PANK3: variants seen among roughly 807,000 people sequenced by gnomAD.
PANK3 encodes the protein pantothenate kinase 3.
A neutral mutation model predicts 39.4 loss-of-function variants in PANK3; 20 were observed. The observed-to-expected ratio is 0.51, with a 90% CI of 0.36 to 0.74. The LOEUF is 0.74. PANK3 is among the 30% of genes least tolerant of loss of function. PANK3 has a pLI of 0.00. For synonymous variants in PANK3, 140 were observed against 157.3 expected (o/e 0.89, Z 0.82); for missense variants, 265 against 437.0 (o/e 0.61, Z 3.51).
At chr5:168,577,392 A>C (rs1190026298) in intron 1 of PANK3, among the ~76,000 whole-genome samples, 2 of 152,102 alleles carry the variant, frequency 1.3e-5, no homozygotes, top group Non-Finnish European at 2.9e-5. Flanking sequence ...ATGTTGTAAT[A>C]ATCAACTTAT....
chr5:168,573,712 C>T (rs1362664994), intron 1 of PANK3, among the ~76,000 whole-genome samples: 1 of 132,818 alleles, frequency 7.5e-6, no homozygotes, highest in South Asian at 2.7e-4. Flanking sequence ...GTTCCCCTTC[C>T]TGTGTCCATG....
At position 168,555,975 on chromosome 5, in the gene PANK3, T is replaced by G. The variant is rs1294649898; in HGVS notation, c.*1596A>C. The G allele has an allele frequency of 6.6e-6, 1 of 152,232 alleles. No homozygotes were observed. The highest frequency in any genetic ancestry group is 1.5e-5 in the Non-Finnish European group (1 of 68,032). The allele number at this position is 152,232 out of a possible 1,614,324, so 9.4% of individuals were successfully genotyped here. ...CAAACCCCTTTTGGACAGAATCTAT[T>G]AAAACTCATTCCACTATCCCTATGT... On this transcript the variant is annotated 3_prime_UTR_variant, in exon 7 of 7. Transcript: ENST00000239231.
Position 168,553,366 on chromosome 5 carries a change from T to C in PANK3, c.*4205A>G, listed in dbSNP as rs1759301595. ...AATCTAGTGGCCCAGGATCAGCATT[T>C]CAACCAACTCAGCTTGTCTGCAGAA... is the stretch of plus-strand genomic sequence containing the variant. On this transcript the variant is annotated 3_prime_UTR_variant, in exon 7 of 7. Coordinates refer to ENST00000239231, the MANE Select transcript of PANK3 (RefSeq NM_024594.4). 1 of 498,546 alleles carries C rather than the reference T, an allele frequency of 2.0e-6. No homozygotes were observed. Among genetic ancestry groups the C allele is most frequent in the Non-Finnish European group, 4.0e-6 (1 of 247,566 alleles). 30.9% of individuals were successfully genotyped at this position (498,546 alleles called of 1,614,324 possible).
chr5:168,563,193 T>TC (rs1284172437), intron 4 of PANK3, among the ~76,000 whole-genome samples: 2 of 152,134 alleles, frequency 1.3e-5, no homozygotes, highest in East Asian at 3.8e-4. Context: ...TTACTATGAA[T>TC]CAATATCCAG....
intron 1 of PANK3, among the ~76,000 whole-genome samples, chr5:168,577,628 C>A (rs1759749747): frequency 1.3e-5 from 2 of 152,268 alleles, no homozygotes; most frequent in East Asian, 3.9e-4. Context: ...TGTGACCCAC[C>A]GTGCCTAGCC....
intron 1 of PANK3, among the ~76,000 whole-genome samples, chr5:168,571,467 G>A (rs1236942330): frequency 2.6e-5 from 4 of 152,158 alleles, no homozygotes; most frequent in Non-Finnish European, 4.4e-5. Context: ...AAACTGTTAA[G>A]TGACAGTGCC....
intron 2 of PANK3, among the ~76,000 whole-genome samples, chr5:168,567,034 G>A (rs1384550917): frequency 2.6e-5 from 4 of 152,214 alleles, no homozygotes; most frequent in East Asian, 1.9e-4. Flanking sequence ...GTGAGCCACT[G>A]TGCCCAACCC....
intron 6 of PANK3, 95 bp from the exon 7 acceptor site, chr5:168,557,716 T>C (rs13185224): frequency 0.19 from 182,767 of 982,990 alleles, 19,284 homozygotes; most frequent in East Asian, 0.45. Context: ...ACAATCTATT[T>C]GTTTAATAAT....
chr5:168,559,589 A>C (rs1759411122), intron 5 of PANK3, among the ~76,000 whole-genome samples: 1 of 152,198 alleles, frequency 6.6e-6, no homozygotes, highest in South Asian at 2.1e-4. Flanking sequence ...TTTTAAAAAA[A>C]GGTTCCAGAA....
Position 168,553,545 on chromosome 5 carries a change from C to A in PANK3, c.*4026G>T. 3.0e-6 allele frequency: 1 copy of A among 328,720 alleles called. No individual in the cohort carries two copies. Among genetic ancestry groups the A allele is most frequent in the Non-Finnish European group, 6.0e-6 (1 of 167,880 alleles). The allele number at this position is 328,720 out of a possible 1,614,324, so 20.4% of individuals were successfully genotyped here. ...AAGGGCCAGGGGGACATGAGCAAAA[C>A]CTCAGAGGGAGAGTCTTCTGACCTC... On this transcript the variant is annotated 3_prime_UTR_variant, in exon 7 of 7. Transcript: ENST00000239231.
At chr5:168,569,385 G>T (rs1759591586) in intron 1 of PANK3, among the ~76,000 whole-genome samples, 1 of 151,284 alleles carries the variant, frequency 6.6e-6, no homozygotes, top group African/African-American at 2.4e-5. Flanking sequence ...GTAGAGACGG[G>T]GTTTCACCGT....
chr5:168,573,416 C>CGAAAAAAAAAA (rs1759678231), intron 1 of PANK3, among the ~76,000 whole-genome samples: 1 of 16,938 alleles, frequency 5.9e-5, no homozygotes. Flanking sequence ...CTCAGCAAGG[C>CGAAAAAAAAAA]AAAAAAAAAA....
At position 168,553,741 on chromosome 5, in the gene PANK3, T is replaced by A. The variant is rs990818098; in HGVS notation, c.*3830A>T. On this transcript the variant is annotated 3_prime_UTR_variant, in exon 7 of 7. Transcript: ENST00000239231. ...GCTAGGAGTGGGATTCCAGAGACAC[T>A]TCTTCCAGCCAACAAAACCTTCAAA... is the stretch of plus-strand genomic sequence containing the variant. The A allele has an allele frequency of 6.5e-6, 1 of 154,236 alleles. No homozygotes were observed. Among genetic ancestry groups the A allele is most frequent in the African/African-American group, 2.4e-5 (1 of 41,450 alleles). 9.6% of individuals were successfully genotyped at this position (154,236 alleles called of 1,614,324 possible).
In PANK3 at chr5:168,561,948, C is replaced by A. The variant is rs548187319; in HGVS notation, c.813-432G>T. On this transcript the variant is annotated intron_variant, in intron 4 of 6. Coordinates refer to ENST00000239231, the MANE Select transcript of PANK3 (RefSeq NM_024594.4). ...AACAGTGAATTAGTCTAGTGCAGCA[C>A]TGTCCAATAGAAATAAAATACGAGT... 1.2e-4 allele frequency among the ~76,000 whole-genome samples: 18 copies of A among 152,302 alleles called. 1 individual carries two copies. In the South Asian group the frequency reaches 2.1e-3, roughly 18 times the overall value.
chr5:168,559,482 T>C (rs1029307021), intron 5 of PANK3, among the ~76,000 whole-genome samples: 1 of 152,098 alleles, frequency 6.6e-6, no homozygotes. Context: ...AGGATGGAAG[T>C]GGGCTGTGTG....
At position 168,561,448 on chromosome 5, in the gene PANK3, A is replaced by G; in HGVS notation, c.881T>C (p.Leu294Ser). The change falls in exon 5 of 7, where the codon TTA becomes TCA. Residue 294 changes from leucine (L) to serine (S), a missense_variant. Physicochemically the swap from Leu to Ser is moderately radical, Grantham distance 145 (BLOSUM62 -2). This residue lies in a region of PANK3 where 110 missense variants were observed against 161.2 expected (regional missense o/e 0.68). Transcript: ENST00000239231. The part of the protein sequence containing the change: ...VSKEDLARAT[L>S]VTITNNIGSV... ...ACCAATGTTATTGGTGATAGTAACTAAAGTAGCTCTTGCCAGATCTTCTTT... is the reference window on the plus strand; with the variant it reads ...ACCAATGTTATTGGTGATAGTAACTGAAGTAGCTCTTGCCAGATCTTCTTT... The G allele has an allele frequency of 6.2e-7, 1 of 1,605,898 alleles. No homozygotes were observed. The highest frequency in any genetic ancestry group is 8.5e-7 in the Non-Finnish European group (1 of 1,175,992).
chr5:168,558,987 A>G (rs1388010689), intron 6 of PANK3, 45 bp downstream of exon 6: 1 of 1,579,570 alleles, frequency 6.3e-7, no homozygotes, highest in Non-Finnish European at 8.6e-7. Context: ...CTGTCTCTTA[A>G]AAAACATGCT....
rs766705356 is a variant in PANK3, at chr5:168,569,030, A to AATATATATATATATAT, written c.29-48_29-33dup. ...GAGGAAAAAAAAAAAAAAAAAAAAA[A>AATATATATATATATAT]ATATATATATATATATATATCCATT... is the stretch of plus-strand genomic sequence containing the variant. On this transcript the variant is annotated intron_variant, in intron 1 of 6. Transcript: ENST00000239231. The AATATATATATATATAT allele has an allele frequency of 8.1e-4, 98 of 120,292 alleles. 1 individual carries two copies. The highest frequency in any genetic ancestry group is 3.6e-3 in the African/African-American group (46 of 12,622). 7.5% of individuals were successfully genotyped at this position (120,292 alleles called of 1,614,324 possible).
intron 1 of PANK3, 31 bp from the exon 2 acceptor site, chr5:168,569,029 AAAT>A (rs1268821301): frequency 9.1e-5 from 27 of 297,122 alleles, no homozygotes; most frequent in Middle Eastern, 1.2e-3. Context: ...AAAAAAAAAA[AAAT>A]ATATATATAT....
Sources: allele counts gnomAD v4.1 joint callset (sites outside exome capture counted in the v4.1 genomes callset), GRCh38; gene constraint gnomAD v4.1.1; regional missense constraint gnomAD v4.1.1; transcripts MANE v1.5; gene names NCBI Gene and HGNC (gene_info 2026-07-23, HGNC 2026-07-21).